The following TUSC3 variants were observed in gnomAD, a reference collection of about 807,000 sequenced individuals.
TUSC3 encodes dolichyl-diphosphooligosaccharide--protein glycosyltransferase subunit TUSC3.
Under a neutral mutation model 44.8 loss-of-function variants are expected in TUSC3, and 45 were observed. The observed-to-expected ratio is 1.00, with a 90% CI of 0.79 to 1.29. The LOEUF (loss-of-function observed/expected upper bound fraction) is 1.29, where lower values mean the gene tolerates loss of function less well. Among genes scored for constraint, TUSC3 ranks in the 50% most tolerant of loss-of-function variants. The pLI, the probability that TUSC3 is intolerant of heterozygous loss-of-function variation, is 0.00. For missense variants in TUSC3, 519 were observed against 437.9 expected, an observed-to-expected ratio of 1.19 and a Z score of -1.65; for synonymous variants, 212 against 152.9, an observed-to-expected ratio of 1.39 and a Z score of -2.85.
intron 7 of TUSC3, among the ~76,000 whole-genome samples, chr8:15,732,113 T>C (rs1810748699): frequency 6.6e-6 from 1 of 152,128 alleles, no homozygotes; most frequent in Admixed American, 6.6e-5. Context: ...TATTCCTCTG[T>C]TTTCCCTTCT....
At chr8:15,590,383 C>A (rs1563306988) in intron 1 of TUSC3, among the ~76,000 whole-genome samples, 1 of 152,156 alleles carries the variant, frequency 6.6e-6, no homozygotes, top group Non-Finnish European at 1.5e-5. Context: ...TTTAGGCCAT[C>A]ATGCCTAGTG....
intron 1 of TUSC3, among the ~76,000 whole-genome samples, chr8:15,590,885 G>C (rs1197888781): frequency 6.6e-6 from 1 of 152,046 alleles, no homozygotes; most frequent in African/African-American, 2.4e-5. Context: ...TGTTGCCCAG[G>C]CTGGTGTCAA....
At chr8:15,794,214 T>C in the TUSC3 span, among the ~76,000 whole-genome samples, 2 of 152,214 alleles carry the variant, frequency 1.3e-5, no homozygotes, top group African/African-American at 2.4e-5. Context: ...ACTCTCTTCT[T>C]GGTCGTTTTT....
chr8:15,678,625 C>T (rs1286565218), intron 6 of TUSC3, among the ~76,000 whole-genome samples: 2 of 152,114 alleles, frequency 1.3e-5, no homozygotes, highest in Non-Finnish European at 2.9e-5. Flanking sequence ...GAAATTTTGT[C>T]TTTATTTCAC....
the TUSC3 span, among the ~76,000 whole-genome samples, chr8:15,773,915 G>A: frequency 0.18 from 27,607 of 152,066 alleles, 3,289 homozygotes; most frequent in Non-Finnish European, 0.27. Context: ...ATGGATCAAC[G>A]ATGTAAACTT....
the TUSC3 span, among the ~76,000 whole-genome samples, chr8:15,791,675 C>A: frequency 6.6e-6 from 1 of 152,094 alleles, no homozygotes; most frequent in African/African-American, 2.4e-5. Context: ...TTGTCTCACA[C>A]ATAAGAAAAA....
Position 15,733,664 on chromosome 8 carries a change from G to A in TUSC3, c.862+2935G>A, listed in dbSNP as rs373234117. Reference sequence around the variant, plus strand: ...CTCTTTATGCTAATAGTCATTATTTGTTGCTTCATTTTTCCTGTGTTTTTT... The same window carrying A: ...CTCTTTATGCTAATAGTCATTATTTATTGCTTCATTTTTCCTGTGTTTTTT... On this transcript the variant is annotated intron_variant, in intron 7 of 10. Transcript: ENST00000503731. 1.7e-4 allele frequency: 27 copies of A among 154,516 alleles called. No individual in the cohort carries two copies. In the East Asian group the frequency reaches 4.0e-3, roughly 23 times the overall value. 9.6% of individuals were successfully genotyped at this position (154,516 alleles called of 1,614,324 possible). A position where few individuals can be genotyped will look rare whatever the true frequency, so the allele number is the denominator to read the frequency against.
Position 15,641,982 on chromosome 8 carries a change from C to G in TUSC3, c.309-8715C>G, listed in dbSNP as rs140559134. ...ATGAATGTGTACATATGTCTACACTCACCAAATTGTACCCATTATATACAT... is the reference window on the plus strand; with the variant it reads ...ATGAATGTGTACATATGTCTACACTGACCAAATTGTACCCATTATATACAT... On this transcript the variant is annotated intron_variant, in intron 2 of 10. Coordinates refer to ENST00000503731, the MANE Select transcript of TUSC3 (RefSeq NM_006765.4). 2.1e-3 allele frequency among the ~76,000 whole-genome samples: 315 copies of G among 152,272 alleles called. 1 individual carries two copies. The highest frequency in any genetic ancestry group is 2.6e-3 in the Non-Finnish European group (175 of 68,008).
chr8:15,447,758 G>A (rs1800125767), intron 1 of TUSC3, among the ~76,000 whole-genome samples: 2 of 150,226 alleles, frequency 1.3e-5, no homozygotes, highest in African/African-American at 4.9e-5. Flanking sequence ...CCTCTCTGTA[G>A]GAAATCAAGT....
At chr8:15,438,059 G>C (rs1455580769) in intron 1 of TUSC3, among the ~76,000 whole-genome samples, 2 of 152,168 alleles carry the variant, frequency 1.3e-5, no homozygotes, top group Non-Finnish European at 2.9e-5. Context: ...CCTGTGAAAT[G>C]AGGTTGTTGT....
chr8:15,707,299 T>C (rs982496153), intron 6 of TUSC3, among the ~76,000 whole-genome samples: 1 of 152,028 alleles, frequency 6.6e-6, no homozygotes, highest in African/African-American at 2.4e-5. Flanking sequence ...GTTGGACTTT[T>C]GTTTCCTGTC....
In TUSC3 at chr8:15,578,037, G is replaced by T. The variant is rs1207192904; in HGVS notation, c.138+37469G>T. Reference sequence around the variant, plus strand: ...CTTGAAGAGGTCCTTCACATCCCTTGTAAGTTGGATTCCTAGGTATTTTCT... The same window carrying T: ...CTTGAAGAGGTCCTTCACATCCCTTTTAAGTTGGATTCCTAGGTATTTTCT... On this transcript the variant is annotated intron_variant, in intron 1 of 10. Coordinates refer to ENST00000503731, the MANE Select transcript of TUSC3 (RefSeq NM_006765.4). Among the ~76,000 whole-genome samples, 4 of 150,400 alleles carry T rather than the reference G, an allele frequency of 2.7e-5. No homozygotes were observed. The East Asian group carries it at 7.8e-4, about 29-fold the overall frequency.
chr8:15,728,234 T>C (rs1810578454), intron 6 of TUSC3, among the ~76,000 whole-genome samples: 1 of 152,170 alleles, frequency 6.6e-6, no homozygotes, highest in Admixed American at 6.6e-5. Context: ...AGTATTCATC[T>C]GAATGACAGA....
intron 6 of TUSC3, among the ~76,000 whole-genome samples, chr8:15,720,188 G>GTA (rs1446273286): frequency 1.1e-5 from 1 of 90,630 alleles, no homozygotes; most frequent in Non-Finnish European, 2.3e-5. Flanking sequence ...GTTAAATATA[G>GTA]TGTATATATA....
intron 1 of TUSC3, among the ~76,000 whole-genome samples, chr8:15,594,859 C>T (rs1452847046): frequency 5.3e-5 from 8 of 152,106 alleles, no homozygotes; most frequent in African/African-American, 1.4e-4. Flanking sequence ...ACCACAGAAG[C>T]CTAGGATTCA....
intron 1 of TUSC3, among the ~76,000 whole-genome samples, chr8:15,587,901 T>C (rs1413250914): frequency 1.3e-5 from 2 of 152,178 alleles, no homozygotes; most frequent in African/African-American, 2.4e-5. Flanking sequence ...CAGGATTTCA[T>C]CTTTAATAGC....
chr8:15,523,702 GTGTGTGTA>G (rs1801333608), intron 2 of TUSC3, among the ~76,000 whole-genome samples: 2 of 112,052 alleles, frequency 1.8e-5, no homozygotes, highest in African/African-American at 4.0e-5. Context: ...GTGTGTGTGT[GTGTGTGTA>G]TATATATATA....
At position 15,731,823 on chromosome 8, in the gene TUSC3, C is replaced by T. The variant is rs182990687; in HGVS notation, c.862+1094C>T. On this transcript the variant is annotated intron_variant, in intron 7 of 10. Transcript: ENST00000503731. ...GTCATAACAATGCATTTTTAAAAATCTACTGGCAAAGACTTATTTGACCCC... is the reference window on the plus strand; with the variant it reads ...GTCATAACAATGCATTTTTAAAAATTTACTGGCAAAGACTTATTTGACCCC... Among the ~76,000 whole-genome samples, 521 of 152,234 alleles carry T rather than the reference C, an allele frequency of 3.4e-3. 4 individuals carry two copies. Among genetic ancestry groups the T allele is most frequent in the African/African-American group, 0.012 (500 of 41,544 alleles).
At chr8:15,443,336 T>TGTG (rs1800045438) in intron 1 of TUSC3, among the ~76,000 whole-genome samples, 3 of 132,884 alleles carry the variant, frequency 2.3e-5, no homozygotes, top group African/African-American at 5.8e-5. Flanking sequence ...ACCCACCTAA[T>TGTG]TGTGTGTGTG....
Sources: allele counts gnomAD v4.1 joint callset (sites outside exome capture counted in the v4.1 genomes callset), GRCh38; gene constraint gnomAD v4.1.1; transcripts MANE v1.5; gene names NCBI Gene and HGNC (gene_info 2026-07-23, HGNC 2026-07-21).